Variants in TMEM80 observed in about 807,000 individuals in gnomAD.
TMEM80 encodes the protein transmembrane protein 80.
In TMEM80, 16 loss-of-function variants were observed where a neutral mutation model predicts 13.6. The ratio of observed to expected loss-of-function variants is 1.17; its 90% confidence interval spans 0.79 to 1.78. The LOEUF is 1.78. Among genes scored for constraint, TMEM80 ranks in the 40% most tolerant of loss-of-function variants. The pLI is 0.00. For synonymous variants in TMEM80, 92 were observed against 89.5 expected, an observed-to-expected ratio of 1.03 and a Z score of -0.16; for missense variants, 167 against 184.6, an observed-to-expected ratio of 0.90 and a Z score of 0.55.
chr11:695,861 G>A lies in TMEM80; in HGVS notation c.19+15G>A, dbSNP rs1215589979. On this transcript the variant is annotated intron_variant, in intron 1 of 4. Coordinates refer to ENST00000397510, the MANE Select transcript of TMEM80 (RefSeq NM_001042463.3). Reference sequence around the variant, plus strand: ...CCCGCGGCGAGGTGAGCTCGGGCGGGGTGGGGGCTTCCGGGCTTGCAGCGG... The same window carrying A: ...CCCGCGGCGAGGTGAGCTCGGGCGGAGTGGGGGCTTCCGGGCTTGCAGCGG... The A allele has an allele frequency of 1.6e-6, 2 of 1,228,304 alleles. No individual in the cohort carries two copies. Among genetic ancestry groups the A allele is most frequent in the Non-Finnish European group, 2.0e-6 (2 of 984,910 alleles). The allele number at this position is 1,228,304 out of a possible 1,614,324, so 76.1% of individuals were successfully genotyped here.
intron 1 of TMEM80, among the ~76,000 whole-genome samples, chr11:698,233 G>A (rs1861286995): frequency 6.6e-6 from 1 of 151,818 alleles, no homozygotes; most frequent in Non-Finnish European, 1.5e-5. Context: ...GGCGTCTTCA[G>A]ATGCAAAACC....
rs571666582 is a variant in TMEM80, at chr11:703,345, GTGT to G, written c.*198_*200del. Reference sequence around the variant, plus strand: ...GCAGAACAAACTGCTGGAGGCCCTGGTGTTGGGAACAGCTGCGGGGAGGGTAGG... The same window carrying G: ...GCAGAACAAACTGCTGGAGGCCCTGGTGGGAACAGCTGCGGGGAGGGTAGG... On this transcript the variant is annotated 3_prime_UTR_variant, in exon 5 of 5. Coordinates refer to ENST00000397510, the MANE Select transcript of TMEM80 (RefSeq NM_001042463.3). 1.4e-4 allele frequency: 195 copies of G among 1,399,426 alleles called. 2 individuals carry two copies. The South Asian group carries it at 3.3e-3, about 23-fold the overall frequency. 86.7% of individuals were successfully genotyped at this position (1,399,426 alleles called of 1,614,324 possible).
In TMEM80 at chr11:698,857, T is replaced by C. The variant is rs1370191743; in HGVS notation, c.20-12T>C. ...GCTGTCAGGCCTTGCTCACGGCCCCTTTCTCTTTCAGGGAGAGGATCCTCC... is the reference window on the plus strand; with the variant it reads ...GCTGTCAGGCCTTGCTCACGGCCCCCTTCTCTTTCAGGGAGAGGATCCTCC... On this transcript the variant is annotated splice_polypyrimidine_tract_variant and intron_variant, in intron 1 of 4. Transcript: ENST00000397510. 1 of 1,614,108 alleles carries C rather than the reference T, an allele frequency of 6.2e-7. No individual in the cohort carries two copies. Among genetic ancestry groups the C allele is most frequent in the East Asian group, 2.2e-5 (1 of 44,890 alleles).
intron 4 of TMEM80, chr11:701,051 C>T: frequency 2.8e-6 from 1 of 360,946 alleles, no homozygotes. Flanking sequence ...CTTCCCCTTG[C>T]CCTTAGCTGT....
rs114160783 is a variant in TMEM80, at chr11:699,800, A to G, written c.40-342A>G. On this transcript the variant is annotated intron_variant, in intron 2 of 4. Coordinates refer to ENST00000397510, the MANE Select transcript of TMEM80 (RefSeq NM_001042463.3). ...GTTATTTTTTCTCTCTTAACTCATA[A>G]CTGGGGCCAAAGGCAGGGTGACATC... 2,407 of 259,872 alleles carry G rather than the reference A, an allele frequency of 9.3e-3. 61 individuals are homozygous for G. The highest frequency in any genetic ancestry group is 0.048 in the African/African-American group (2,159 of 45,092). The allele number at this position is 259,872 out of a possible 1,614,324, so 16.1% of individuals were successfully genotyped here.
chr11:695,937 C>T, intron 1 of TMEM80, 91 bp downstream of exon 1: 1 of 1,003,324 alleles, frequency 1.0e-6, no homozygotes, highest in Non-Finnish European at 1.3e-6. Flanking sequence ...TTTCGGTGCG[C>T]TCACGGGGCC....
chr11:700,186 G>T lies in TMEM80; in HGVS notation c.84G>T (p.Thr28=). The T allele has an allele frequency of 6.2e-7, 1 of 1,614,160 alleles. No individual in the cohort carries two copies. The highest frequency in any genetic ancestry group is 8.5e-7 in the Non-Finnish European group (1 of 1,180,042). The change falls in exon 3 of 5, where the codon ACG becomes ACT. Residue 28 remains threonine, a synonymous_variant. Transcript: ENST00000397510. ...AAATGCTGTTTTATCTCAGCGGAACGTACTACGCCCTGTATTTCCTCGCCA... is the reference window on the plus strand; with the variant it reads ...AAATGCTGTTTTATCTCAGCGGAACTTACTACGCCCTGTATTTCCTCGCCA... ...PLQMLFYLSG[T]YYALYFLATL...
chr11:696,410 A>G (rs1307771701), intron 1 of TMEM80, among the ~76,000 whole-genome samples: 1 of 152,170 alleles, frequency 6.6e-6, no homozygotes, highest in African/African-American at 2.4e-5. Flanking sequence ...GTTTTGAAGG[A>G]ATAAAGAATG....
intron 4 of TMEM80, among the ~76,000 whole-genome samples, chr11:702,248 C>T (rs1861531847): frequency 6.6e-6 from 1 of 152,262 alleles, no homozygotes; most frequent in Non-Finnish European, 1.5e-5. Context: ...CTTGTCTGCA[C>T]TTACGTCCCA....
chr11:702,607 A>C (rs1312421186), intron 4 of TMEM80, among the ~76,000 whole-genome samples: 1 of 152,252 alleles, frequency 6.6e-6, no homozygotes. Context: ...CTTCAGTTCC[A>C]CTTGGAATTA....
At chr11:704,608 C>A (rs1343534765), downstream of TMEM80, 7 of 1,289,186 alleles carry the variant, frequency 5.4e-6, no homozygotes, top group Non-Finnish European at 7.1e-6. Flanking sequence ...GGGAAGGACC[C>A]CCTCCCTGAA....
In TMEM80 at chr11:698,872, G is replaced by A. The variant is rs375077087; in HGVS notation, c.23G>A (p.Arg8Lys). 2.5e-6 allele frequency: 4 copies of A among 1,614,060 alleles called. No homozygotes were observed. The African/African-American group carries it at 4.0e-5, about 16-fold the overall frequency. MAAPRRG[R>K]GSSTVLSSVP... ...TCACGGCCCCTTTCTCTTTCAGGGA[G>A]AGGATCCTCCACAGTGGTATCCTGC... The change falls in exon 2 of 5, where the codon AGA becomes AAA. Residue 8 changes from arginine to lysine, a missense_variant. Transcript: ENST00000397510.
chr11:696,047 C>A (rs1210289723), intron 1 of TMEM80, among the ~76,000 whole-genome samples: 1 of 152,064 alleles, frequency 6.6e-6, no homozygotes, highest in Admixed American at 6.5e-5. Context: ...CCGAAGAGCT[C>A]CCCCGCGCGC....
chr11:703,153 A>G lies in TMEM80; in HGVS notation c.*3A>G, dbSNP rs1478354398. The G allele has an allele frequency of 1.2e-6, 2 of 1,601,260 alleles. No individual in the cohort carries two copies. Among genetic ancestry groups the G allele is most frequent in the South Asian group, 2.2e-5 (2 of 90,110 alleles). On this transcript the variant is annotated 3_prime_UTR_variant, in exon 5 of 5. Coordinates refer to ENST00000397510, the MANE Select transcript of TMEM80 (RefSeq NM_001042463.3). ...CCATCGCGGCCTTCACCAGGTAGCT[A>G]CGGACACCCGGGATACCCCACACTG...
intron 4 of TMEM80, among the ~76,000 whole-genome samples, chr11:702,141 A>G (rs1861525559): frequency 6.6e-6 from 1 of 151,598 alleles, no homozygotes. Flanking sequence ...GGTGGCCCCC[A>G]CCCTTCCTCT....
At chr11:700,749 T>TTGC in intron 4 of TMEM80, 42 bp downstream of exon 4, 2 of 1,527,032 alleles carry the variant, frequency 1.3e-6, no homozygotes, top group Non-Finnish European at 1.8e-6. Flanking sequence ...GTCCTAAGAG[T>TTGC]TGCTATCTGT....
intron 1 of TMEM80, 48 bp from the exon 2 acceptor site, chr11:698,821 G>C: frequency 6.2e-7 from 1 of 1,612,848 alleles, no homozygotes; most frequent in Non-Finnish European, 8.5e-7. Context: ...ACCCGGGAAA[G>C]CATCCTGGTG....
At chr11:704,542 G>A (rs1451574520), downstream of TMEM80, 4 of 1,289,330 alleles carry the variant, frequency 3.1e-6, no homozygotes, top group Non-Finnish European at 4.0e-6. Context: ...ACTCGCAGAA[G>A]ACCAGCTGGG....
At chr11:701,040 C>G in intron 4 of TMEM80, 1 of 390,478 alleles carries the variant, frequency 2.6e-6, no homozygotes, top group Non-Finnish European at 4.8e-6. Context: ...GCACCCCTTT[C>G]CTTCCCCTTG....
Sources: allele counts gnomAD v4.1 joint callset (sites outside exome capture counted in the v4.1 genomes callset), GRCh38; gene constraint gnomAD v4.1.1; transcripts MANE v1.5; gene names NCBI Gene and HGNC (gene_info 2026-07-23, HGNC 2026-07-21).